ATP13A4: variants seen among roughly 807,000 people sequenced by gnomAD.
ATP13A4 encodes probable cation-transporting ATPase 13A4.
ATP13A4 carries 114 observed loss-of-function variants against 142.5 expected under a neutral mutation model. That is an observed-to-expected ratio of 0.80 (90% CI 0.69 to 0.93). The LOEUF is 0.93. Among genes scored for constraint, ATP13A4 ranks in the 40% least tolerant of loss-of-function variants. ATP13A4 has a pLI of 0.00. For missense variants in ATP13A4, 1,392 were observed against 1,454.0 expected (o/e 0.96, Z 0.69); for synonymous variants, 488 against 514.8 (o/e 0.95, Z 0.70).
At chr3:193,466,276 A>G (rs1718281441) in intron 10 of ATP13A4, 94 bp from the exon 11 acceptor site, 2 of 1,444,860 alleles carry the variant, frequency 1.4e-6, no homozygotes, top group Non-Finnish European at 1.9e-6. Flanking sequence ...TTCTCTGCTG[A>G]TATTTGAACA....
intron 29 of ATP13A4, chr3:193,404,038 G>C (rs571493860): frequency 7.7e-5 from 76 of 985,228 alleles, no homozygotes; most frequent in Non-Finnish European, 9.0e-5. Flanking sequence ...TGCTGGCTGC[G>C]GGGCTGTTAA....
chr3:193,501,838 T>A (rs188420191), intron 3 of ATP13A4, among the ~76,000 whole-genome samples: 2 of 152,274 alleles, frequency 1.3e-5, no homozygotes, highest in Admixed American at 1.3e-4. Flanking sequence ...TACATTTGAA[T>A]GACAAGAATT....
upstream of ATP13A4, among the ~76,000 whole-genome samples, chr3:193,556,838 C>T (rs1049629643): frequency 1.3e-5 from 2 of 152,040 alleles, no homozygotes; most frequent in Non-Finnish European, 2.9e-5. Flanking sequence ...CCTTACTAGG[C>T]AGTAATTATA....
Position 193,566,043 on chromosome 3 carries a change from T to C in ATP13A4, n.291+15664A>G, listed in dbSNP as rs530393714. Among the ~76,000 whole-genome samples, 74 of 152,218 alleles carry C rather than the reference T, an allele frequency of 4.9e-4. No individual in the cohort carries two copies. In the South Asian group the frequency reaches 9.6e-3, roughly 20 times the overall value. ...GCATCATGAGAGGTAGTAGGTAAAA[T>C]TGATAGATATAGAATGCAGTGCCCA... is the stretch of plus-strand genomic sequence containing the variant. On this transcript the variant is annotated intron_variant and non_coding_transcript_variant, in intron 2 of 3. Coordinates refer to the ATP13A4 transcript ENST00000489140.
intron 1 of ATP13A4, among the ~76,000 whole-genome samples, chr3:193,537,788 G>A (rs545304738): frequency 3.3e-5 from 5 of 152,220 alleles, no homozygotes; most frequent in African/African-American, 9.6e-5. Context: ...ACAAACTATC[G>A]ATACACAAAA....
At chr3:193,427,438 T>C (rs1257993476) in intron 25 of ATP13A4, among the ~76,000 whole-genome samples, 2 of 152,152 alleles carry the variant, frequency 1.3e-5, no homozygotes, top group East Asian at 1.9e-4. Context: ...CTTCATAGAA[T>C]TGGAAGAAAC....
In ATP13A4 at chr3:193,503,038, A is replaced by G. The variant is rs888803085; in HGVS notation, c.235-399T>C. On this transcript the variant is annotated intron_variant, in intron 2 of 29. Coordinates refer to ENST00000342695, the MANE Select transcript of ATP13A4 (RefSeq NM_032279.4). ...TAACACCCTTCCACCGGGGCGGGGC[A>G]GGGGGGGGAACTATCACTTTGTTAA... is the stretch of plus-strand genomic sequence containing the variant. Among the ~76,000 whole-genome samples the G allele has an allele frequency of 7.6e-3, 1,098 of 145,292 alleles. 17 individuals carry two copies. Among genetic ancestry groups the G allele is most frequent in the African/African-American group, 0.026 (1,027 of 39,876 alleles).
At chr3:193,579,193 A>G (rs11924093) in intron 2 of ATP13A4, 4,315 of 157,522 alleles carry the variant, frequency 0.027, 180 homozygotes, top group African/African-American at 0.093. Flanking sequence ...AGAGGTATCA[A>G]TGGTGAGTAA....
intron 25 of ATP13A4, among the ~76,000 whole-genome samples, chr3:193,426,909 G>A (rs2108612991): frequency 6.6e-6 from 1 of 152,016 alleles, no homozygotes. Flanking sequence ...AACTTAGGGA[G>A]AAATATTCAT....
intron 3 of ATP13A4, among the ~76,000 whole-genome samples, chr3:193,500,224 A>G (rs973641307): frequency 3.9e-5 from 6 of 152,188 alleles, no homozygotes; most frequent in Admixed American, 3.3e-4. Flanking sequence ...CTGCTCAGGA[A>G]TAAGGAAGAT....
intron 3 of ATP13A4, among the ~76,000 whole-genome samples, chr3:193,493,699 C>G (rs1435608206): frequency 6.6e-6 from 1 of 151,920 alleles, no homozygotes; most frequent in Non-Finnish European, 1.5e-5. Flanking sequence ...AGTGAGCACG[C>G]CTGTTTGTAG....
chr3:193,453,522 C>T (rs979299663), intron 17 of ATP13A4, among the ~76,000 whole-genome samples: 11 of 151,976 alleles, frequency 7.2e-5, no homozygotes, highest in Admixed American at 2.0e-4. Context: ...GGAGCTGTTA[C>T]GCATCTCTAT....
At chr3:193,420,935 C>G (rs1054227793) in intron 25 of ATP13A4, among the ~76,000 whole-genome samples, 4 of 149,438 alleles carry the variant, frequency 2.7e-5, no homozygotes, top group Non-Finnish European at 5.9e-5. Flanking sequence ...AGGAAATGAT[C>G]AAACATTAGC....
chr3:193,487,956 A>G (rs1344887532), intron 7 of ATP13A4, among the ~76,000 whole-genome samples: 1 of 152,178 alleles, frequency 6.6e-6, no homozygotes, highest in Non-Finnish European at 1.5e-5. Context: ...GATATTTAGG[A>G]TATAATAGGT....
chr3:193,429,963 T>C (rs535175535), intron 25 of ATP13A4, among the ~76,000 whole-genome samples: 1 of 152,202 alleles, frequency 6.6e-6, no homozygotes, highest in African/African-American at 2.4e-5. Context: ...TGAAATGTTT[T>C]CCATCTTCCA....
chr3:193,579,686 A>C (rs1004733962), intron 2 of ATP13A4, among the ~76,000 whole-genome samples: 1 of 151,684 alleles, frequency 6.6e-6, no homozygotes, highest in African/African-American at 2.4e-5. Flanking sequence ...AGCCCTTACA[A>C]ATCATGTCAG....
At chr3:193,517,796 C>T (rs925099155) in intron 1 of ATP13A4, among the ~76,000 whole-genome samples, 1 of 152,180 alleles carries the variant, frequency 6.6e-6, no homozygotes, top group Admixed American at 6.5e-5. Context: ...TAAATGAATG[C>T]ATTTCAATGG....
At chr3:193,554,506 T>G (rs1000725798) in intron 1 of ATP13A4, 9 of 596,908 alleles carry the variant, frequency 1.5e-5, no homozygotes, top group Middle Eastern at 4.5e-4. Flanking sequence ...AAAACATTCT[T>G]GACAAGATGA....
rs187593180 is a variant in ATP13A4, at chr3:193,542,249, G to A, written c.60+12491C>T. Among the ~76,000 whole-genome samples the A allele has an allele frequency of 2.8e-4, 43 of 152,164 alleles. 1 individual carries two copies. In the East Asian group the frequency reaches 4.1e-3, roughly 14 times the overall value. ...TGCTACAAAGAGAATAAAGTACTTA[G>A]GAATACAGCTAACAAGGGAAGTGAA... On this transcript the variant is annotated intron_variant, in intron 1 of 29. Coordinates refer to ENST00000342695, the MANE Select transcript of ATP13A4 (RefSeq NM_032279.4).
Sources: gnomAD v4.1 joint callset for allele counts (sites outside exome capture counted in the v4.1 genomes callset) on GRCh38, gnomAD v4.1.1 for gene constraint, MANE v1.5 for transcripts, NCBI Gene and HGNC (gene_info 2026-07-23, HGNC 2026-07-21) for gene names.